EML4: variants seen among roughly 807,000 people sequenced by gnomAD.
The protein encoded by EML4 is echinoderm microtubule-associated protein-like 4.
A neutral mutation model predicts 129.0 loss-of-function variants in EML4; 72 were observed. That is an observed-to-expected ratio of 0.56 (90% CI 0.46 to 0.68). The LOEUF is 0.68. EML4 is among the 30% of genes least tolerant of loss of function. The pLI, the probability that EML4 is intolerant of heterozygous loss-of-function variation, is 0.00. For missense variants in EML4, 1,363 were observed against 1,190.6 expected (o/e 1.14, Z -2.13); for synonymous variants, 532 against 405.0 (o/e 1.31, Z -3.77).
intron 1 of EML4, among the ~76,000 whole-genome samples, chr2:42,190,744 A>G (rs781777450): frequency 9.2e-5 from 14 of 152,228 alleles, no homozygotes; most frequent in Non-Finnish European, 1.9e-4. Context: ...CTGTAAAGGC[A>G]GCTTCTTAAC....
intron 21 of EML4, among the ~76,000 whole-genome samples, chr2:42,328,445 AG>A (rs1293441789): frequency 6.6e-6 from 1 of 152,190 alleles, no homozygotes; most frequent in Non-Finnish European, 1.5e-5. Flanking sequence ...GTTTTCTTGG[AG>A]GTGCTTGCCT....
At chr2:42,211,405 C>A (rs922776275) in intron 1 of EML4, among the ~76,000 whole-genome samples, 10 of 152,288 alleles carry the variant, frequency 6.6e-5, no homozygotes, top group African/African-American at 2.4e-4. Context: ...GGGGCGAGGT[C>A]ATTTCTGATC....
At chr2:42,252,013 AAGTT>A (rs1305709181) in intron 2 of EML4, among the ~76,000 whole-genome samples, 13 of 152,222 alleles carry the variant, frequency 8.5e-5, no homozygotes, top group East Asian at 5.8e-4. Context: ...ATGCCAGAAG[AAGTT>A]AGTTATAGAA....
At chr2:42,253,185 T>G (rs773600438) in intron 2 of EML4, among the ~76,000 whole-genome samples, 7 of 152,162 alleles carry the variant, frequency 4.6e-5, no homozygotes, top group Non-Finnish European at 8.8e-5. Flanking sequence ...GGTGTAAGAT[T>G]GGGAGTTTCA....
chr2:42,198,117 G>A (rs1672003069), intron 1 of EML4, among the ~76,000 whole-genome samples: 1 of 152,198 alleles, frequency 6.6e-6, no homozygotes, highest in South Asian at 2.1e-4. Context: ...GTTTGCTACA[G>A]GTTAGGTAGT....
chr2:42,328,155 G>C (rs1376116783), intron 21 of EML4, among the ~76,000 whole-genome samples: 1 of 152,132 alleles, frequency 6.6e-6, no homozygotes, highest in African/African-American at 2.4e-5. Context: ...ATTTTGACTT[G>C]TTTTTAGCAA....
intron 1 of EML4, among the ~76,000 whole-genome samples, chr2:42,218,484 C>T (rs906548812): frequency 6.6e-6 from 1 of 152,158 alleles, no homozygotes; most frequent in Non-Finnish European, 1.5e-5. Context: ...TTCCACGAAA[C>T]CTGTCCCTGG....
chr2:42,239,522 C>T lies in EML4; in HGVS notation c.26-5983C>T, dbSNP rs183103714. 6.5e-4 allele frequency among the ~76,000 whole-genome samples: 99 copies of T among 152,244 alleles called. 1 individual carries two copies. Among genetic ancestry groups the T allele is most frequent in the African/African-American group, 2.1e-3 (87 of 41,550 alleles). ...TTTCTAAAAAGAGACTGACTCATGC[C>T]GGTAAATAGATCAGACTGATAGTGA... On this transcript the variant is annotated intron_variant, in intron 1 of 22. Coordinates refer to ENST00000318522, the MANE Select transcript of EML4 (RefSeq NM_019063.5).
intron 13 of EML4, 103 bp downstream of exon 13, chr2:42,295,619 T>A: frequency 1.1e-6 from 1 of 896,650 alleles, no homozygotes; most frequent in Non-Finnish European, 1.6e-6. Flanking sequence ...TGTAACAATA[T>A]GAGCAAGTCA....
At chr2:42,262,799 C>T (rs1459294331) in intron 4 of EML4, among the ~76,000 whole-genome samples, 3 of 151,794 alleles carry the variant, frequency 2.0e-5, no homozygotes, top group Non-Finnish European at 4.4e-5. Flanking sequence ...GACATAATTG[C>T]ACAAAAAATG....
At chr2:42,315,835 A>G (rs914317930) in intron 17 of EML4, 127 bp from the exon 18 acceptor site, 4 of 654,626 alleles carry the variant, frequency 6.1e-6, no homozygotes, top group African/African-American at 3.7e-5. Flanking sequence ...GTGAGCTAGG[A>G]TCACTCCATG....
At chr2:42,179,158 G>C (rs1670788179) in intron 1 of EML4, among the ~76,000 whole-genome samples, 1 of 152,046 alleles carries the variant, frequency 6.6e-6, no homozygotes, top group Non-Finnish European at 1.5e-5. Context: ...GAGCACATCA[G>C]TTACAGTGTT....
At chr2:42,258,493 C>T (rs750550502) in intron 3 of EML4, among the ~76,000 whole-genome samples, 23 of 152,072 alleles carry the variant, frequency 1.5e-4, no homozygotes, top group Admixed American at 2.6e-4. Context: ...CTGCACCTCC[C>T]GTGTTCAAGA....
intron 1 of EML4, among the ~76,000 whole-genome samples, chr2:42,173,457 C>T (rs753657490): frequency 1.3e-5 from 2 of 152,188 alleles, no homozygotes; most frequent in Non-Finnish European, 2.9e-5. Flanking sequence ...TATGGATTAA[C>T]ATCGAACATG....
rs186319091 is a variant in EML4, at chr2:42,249,347, T to C, written c.208+3660T>C. Among the ~76,000 whole-genome samples the C allele has an allele frequency of 3.0e-3, 461 of 152,192 alleles. 2 individuals carry two copies. The highest frequency in any genetic ancestry group is 0.011 in the African/African-American group (446 of 41,528). On this transcript the variant is annotated intron_variant, in intron 2 of 22. Coordinates refer to ENST00000318522, the MANE Select transcript of EML4 (RefSeq NM_019063.5). ...ATAGTATCGAGTATCACATAATTTA[T>C]TGACAGGAAAATGATCATTATCATC...
Position 42,329,752 on chromosome 2 carries a change from A to G in EML4, c.2491A>G (p.Ser831Gly), listed in dbSNP as rs1669998537. ...CATATAGGCTCCCAGTCACAAGTAC[A>G]GTGCCCACAGCAGCCATGTCACCAA... ...SKAKAPSHKYSAHSSHVTNVS... is the reference protein window; with the variant it reads ...SKAKAPSHKYGAHSSHVTNVS... The change falls in exon 23 of 23, where the codon AGT (serine) becomes GGT (glycine). Residue 831 changes from serine to glycine, a missense_variant. Coordinates refer to ENST00000318522, the MANE Select transcript of EML4 (RefSeq NM_019063.5). 6.2e-7 allele frequency: 1 copy of G among 1,613,930 alleles called. No individual in the cohort carries two copies. Among genetic ancestry groups the G allele is most frequent in the Non-Finnish European group, 8.5e-7 (1 of 1,179,898 alleles).
At chr2:42,203,979 GAC>G (rs1466504728) in intron 1 of EML4, among the ~76,000 whole-genome samples, 12 of 152,068 alleles carry the variant, frequency 7.9e-5, no homozygotes, top group African/African-American at 2.9e-4. Flanking sequence ...AGGGTGCAGT[GAC>G]ACAATCATAG....
intron 21 of EML4, among the ~76,000 whole-genome samples, chr2:42,327,087 A>T (rs1257030602): frequency 6.6e-6 from 1 of 152,148 alleles, no homozygotes; most frequent in African/African-American, 2.4e-5. Flanking sequence ...ATATAAGGGG[A>T]ATCATACAAT....
intron 1 of EML4, among the ~76,000 whole-genome samples, chr2:42,245,188 G>A (rs1675318570): frequency 7.2e-6 from 1 of 138,104 alleles, no homozygotes; most frequent in African/African-American, 2.7e-5. Context: ...TCCACCTCCG[G>A]GGTTCACATG....
Sources: allele counts gnomAD v4.1 joint callset (sites outside exome capture counted in the v4.1 genomes callset), GRCh38; gene constraint gnomAD v4.1.1; transcripts MANE v1.5; gene names NCBI Gene and HGNC (gene_info 2026-07-23, HGNC 2026-07-21).